Variants in RNF138 observed in about 807,000 individuals in gnomAD.
The protein encoded by RNF138 is E3 ubiquitin-protein ligase RNF138.
In RNF138, 12 loss-of-function variants were observed where a neutral mutation model predicts 31.0. The ratio of observed to expected loss-of-function variants is 0.39; its 90% CI spans 0.25 to 0.63. The LOEUF (loss-of-function observed/expected upper bound fraction) is 0.63. Among genes scored for constraint, RNF138 ranks in the 20% least tolerant of loss-of-function variants. The pLI, the probability that RNF138 is intolerant of heterozygous loss-of-function variation, is 0.52. For synonymous variants in RNF138, 105 were observed against 99.5 expected (o/e 1.06, Z -0.33); for missense variants, 192 against 300.1 (o/e 0.64, Z 2.66).
At chr18:32,111,586 T>C (rs2040131702) in intron 2 of RNF138, among the ~76,000 whole-genome samples, 168 bp from the exon 3 acceptor site, 2 of 152,242 alleles carry the variant, frequency 1.3e-5, no homozygotes, top group South Asian at 2.1e-4. Flanking sequence ...TCAGTCTTAC[T>C]CTCTGATAAA....
chr18:32,126,517 G>A (rs921401698), intron 6 of RNF138, among the ~76,000 whole-genome samples, 176 bp from the exon 7 acceptor site: 34 of 152,138 alleles, frequency 2.2e-4, no homozygotes, highest in African/African-American at 6.8e-4. Context: ...TTAGATTAAT[G>A]TCATTTATCT....
chr18:32,129,586 C>T lies in RNF138; in HGVS notation c.*399C>T, dbSNP rs76056760. The T allele has an allele frequency of 6.4e-6, 1 of 156,642 alleles. No homozygotes were observed. The highest frequency in any genetic ancestry group is 1.4e-5 in the Non-Finnish European group (1 of 70,440). 9.7% of individuals were successfully genotyped at this position (156,642 alleles called of 1,614,324 possible). A position where few individuals can be genotyped will look rare whatever the true frequency, so the allele number is the denominator to read the frequency against. On this transcript the variant is annotated 3_prime_UTR_variant, in exon 8 of 8. Coordinates refer to ENST00000261593, the MANE Select transcript of RNF138 (RefSeq NM_016271.5). ...ATTTTGAACGATGTGATTGATATAA[C>T]CTAACAAATCTGAGCCAGTTATTAT...
In RNF138 at chr18:32,104,321, T is replaced by TA. The variant is rs977517366; in HGVS notation, c.111-7422dup. Among the ~76,000 whole-genome samples, 354 of 148,186 alleles carry TA rather than the reference T, an allele frequency of 2.4e-3. 2 individuals carry two copies. Among genetic ancestry groups the TA allele is most frequent in the African/African-American group, 7.6e-3 (310 of 40,660 alleles). On this transcript the variant is annotated intron_variant, in intron 2 of 7. Coordinates refer to ENST00000261593, the MANE Select transcript of RNF138 (RefSeq NM_016271.5). The stretch of plus-strand genomic sequence containing the variant: ...AGCCACCAGACCTGGCCTAAAAGTT[T>TA]AAAAAAAAAAATCCTCATTAAGGGT...
At chr18:32,093,708 A>G (rs1261365740) in intron 2 of RNF138, among the ~76,000 whole-genome samples, 1 of 152,240 alleles carries the variant, frequency 6.6e-6, no homozygotes, top group Non-Finnish European at 1.5e-5. Flanking sequence ...GTTGGGTGAG[A>G]TAACGCATGC....
In RNF138 at chr18:32,116,515, CT is replaced by C. The variant is rs573273752; in HGVS notation, c.392+2671del. ...AGAAAATTGGCAAAGGAAGGAAAAG[CT>C]TTTTTTTTTTTTTTTAAATTTTTAA... On this transcript the variant is annotated intron_variant, in intron 4 of 7. Coordinates refer to ENST00000261593, the MANE Select transcript of RNF138 (RefSeq NM_016271.5). Among the ~76,000 whole-genome samples the C allele has an allele frequency of 8.5e-3, 1,083 of 127,574 alleles. 1 individual carries two copies. The highest frequency in any genetic ancestry group is 0.013 in the African/African-American group (459 of 34,634). The allele number at this position is 127,574 out of a possible 152,430, so 83.7% of individuals were successfully genotyped here.
At chr18:32,092,608 G>C (rs1484221090) in intron 1 of RNF138, 92 bp from the exon 2 acceptor site, 1 of 596,294 alleles carries the variant, frequency 1.7e-6, no homozygotes. Flanking sequence ...TAGCGTCTCT[G>C]CGTTCGGCCC....
intron 2 of RNF138, among the ~76,000 whole-genome samples, chr18:32,105,435 A>G (rs1321906456): frequency 6.6e-6 from 1 of 152,212 alleles, no homozygotes; most frequent in Non-Finnish European, 1.5e-5. Context: ...ACTAGAATAT[A>G]CTACAGAGTC....
At chr18:32,105,526 G>C (rs922926156) in intron 2 of RNF138, among the ~76,000 whole-genome samples, 9 of 152,214 alleles carry the variant, frequency 5.9e-5, no homozygotes, top group African/African-American at 2.2e-4. Context: ...AGGTGGCTTT[G>C]ATCAGTAAGA....
intron 4 of RNF138, among the ~76,000 whole-genome samples, chr18:32,115,710 A>T (rs2040203697): frequency 1.3e-5 from 2 of 152,060 alleles, no homozygotes; most frequent in South Asian, 4.1e-4. Flanking sequence ...ACATCACTGC[A>T]CTCTAGCCTG....
intron 4 of RNF138, among the ~76,000 whole-genome samples, chr18:32,118,777 C>T (rs1405432021): frequency 2.6e-5 from 4 of 152,036 alleles, no homozygotes; most frequent in South Asian, 2.1e-4. Context: ...TGCAGTGAGT[C>T]GGGATCGTGC....
At chr18:32,129,067 TTAGAGTAG>T (rs2040430569) in intron 7 of RNF138, 44 bp from the exon 8 acceptor site, 1 of 1,222,410 alleles carries the variant, frequency 8.2e-7, no homozygotes, top group South Asian at 1.2e-5. Context: ...GGGCAAAGTA[TTAGAGTAG>T]TTGAATATGT....
At chr18:32,124,979 C>A in intron 6 of RNF138, 134 bp downstream of exon 6, 1 of 578,662 alleles carries the variant, frequency 1.7e-6, no homozygotes, top group South Asian at 2.3e-5. Flanking sequence ...AGATTTTTGT[C>A]AACAAAGGAT....
chr18:32,120,101 TAGC>T (rs1410791492), intron 4 of RNF138, among the ~76,000 whole-genome samples: 2 of 152,200 alleles, frequency 1.3e-5, no homozygotes, highest in Non-Finnish European at 2.9e-5. Flanking sequence ...CAGTGTTAAA[TAGC>T]AGGCACCTTT....
chr18:32,092,627 C>G (rs911565404), intron 1 of RNF138, 73 bp from the exon 2 acceptor site: 1 of 643,734 alleles, frequency 1.6e-6, no homozygotes, highest in Non-Finnish European at 2.8e-6. Flanking sequence ...CCCGCCCTAC[C>G]CAGGGCCCCG....
chr18:32,098,136 A>G (rs1294334749), intron 2 of RNF138, among the ~76,000 whole-genome samples: 1 of 151,838 alleles, frequency 6.6e-6, no homozygotes, highest in East Asian at 2.0e-4. Context: ...ACAGGCGTGC[A>G]CCATCACGCC....
At chr18:32,129,044 T>C (rs1238576405) in intron 7 of RNF138, 75 bp from the exon 8 acceptor site, 2 of 906,482 alleles carry the variant, frequency 2.2e-6, no homozygotes, top group East Asian at 4.8e-5. Context: ...TGTATCAAGA[T>C]GTCTAATGTT....
At chr18:32,109,019 C>T (rs780419695) in intron 2 of RNF138, among the ~76,000 whole-genome samples, 15 of 152,102 alleles carry the variant, frequency 9.9e-5, no homozygotes, top group Non-Finnish European at 1.5e-4. Flanking sequence ...TTTATGCGCT[C>T]TAATGGATAT....
intron 2 of RNF138, among the ~76,000 whole-genome samples, chr18:32,108,456 A>G (rs1209118517): frequency 6.6e-6 from 1 of 152,152 alleles, no homozygotes; most frequent in African/African-American, 2.4e-5. Flanking sequence ...GTTTAGCTCA[A>G]CATTATATCA....
intron 6 of RNF138, among the ~76,000 whole-genome samples, chr18:32,125,545 T>C (rs1339690828): frequency 6.6e-6 from 1 of 152,152 alleles, no homozygotes; most frequent in East Asian, 1.9e-4. Flanking sequence ...AATAATTGTC[T>C]TCAGAAAGGA....
Sources: allele counts gnomAD v4.1 joint callset (sites outside exome capture counted in the v4.1 genomes callset), GRCh38; gene constraint gnomAD v4.1.1; transcripts MANE v1.5; gene names NCBI Gene and HGNC (gene_info 2026-07-23, HGNC 2026-07-21).